The following ERI3 variants were observed in gnomAD, a reference collection of about 807,000 sequenced individuals.
The protein encoded by ERI3 is ERI1 exoribonuclease 3.
In ERI3, 18 loss-of-function variants were observed where a neutral mutation model predicts 44.4. The observed-to-expected ratio is 0.41, with a 90% CI of 0.28 to 0.60. The LOEUF is 0.60. ERI3 is among the 20% of genes least tolerant of loss of function. The pLI is 0.36. For synonymous variants in ERI3, 183 were observed against 164.8 expected (o/e 1.11, Z -0.84); for missense variants, 294 against 435.5 (o/e 0.68, Z 2.89).
At chr1:44,329,899 T>G (rs1646394294) in intron 3 of ERI3, among the ~76,000 whole-genome samples, 1 of 152,008 alleles carries the variant, frequency 6.6e-6, no homozygotes, top group Non-Finnish European at 1.5e-5. Flanking sequence ...TCCAAAAGAG[T>G]TATGAGCTAC....
chr1:44,305,996 C>T (rs891070087), intron 6 of ERI3, among the ~76,000 whole-genome samples: 2 of 152,346 alleles, frequency 1.3e-5, no homozygotes, highest in East Asian at 3.9e-4. Flanking sequence ...AGCCATCTGA[C>T]GAGCCTCTGC....
At chr1:44,259,904 T>TAGAC (rs1557795413) in intron 7 of ERI3, among the ~76,000 whole-genome samples, 3 of 148,792 alleles carry the variant, frequency 2.0e-5, no homozygotes, top group African/African-American at 7.6e-5. Context: ...GATAGATAGA[T>TAGAC]AGATAGATAG....
intron 7 of ERI3, among the ~76,000 whole-genome samples, chr1:44,271,635 G>T (rs1162030311): frequency 6.6e-6 from 1 of 152,122 alleles, no homozygotes; most frequent in Non-Finnish European, 1.5e-5. Context: ...AATTGTTTGA[G>T]GATTAAGTGA....
chr1:44,317,157 C>A (rs952797473), intron 4 of ERI3, among the ~76,000 whole-genome samples: 1 of 152,046 alleles, frequency 6.6e-6, no homozygotes, highest in Non-Finnish European at 1.5e-5. Context: ...CACACACACA[C>A]ACACACACAC....
Position 44,331,867 on chromosome 1 carries a change from T to G in ERI3, c.489+7178A>C, listed in dbSNP as rs75780310. Among the ~76,000 whole-genome samples, 45 of 152,276 alleles carry G rather than the reference T, an allele frequency of 3.0e-4. No homozygotes were observed. In the East Asian group the frequency reaches 8.3e-3, roughly 28 times the overall value. ...TGAATTTCTTATAACATGAAAACTA[T>G]GCAGCCCTCCCCCACACTGTGAGCA... On this transcript the variant is annotated intron_variant, in intron 3 of 8. Transcript: ENST00000372257.
At chr1:44,307,272 C>T (rs1645857205) in intron 6 of ERI3, among the ~76,000 whole-genome samples, 1 of 152,112 alleles carries the variant, frequency 6.6e-6, no homozygotes, top group Admixed American at 6.5e-5. Context: ...CATAACTTCA[C>T]CTCAATGCCC....
At chr1:44,260,369 A>ACC (rs1644869503) in intron 7 of ERI3, among the ~76,000 whole-genome samples, 1 of 152,202 alleles carries the variant, frequency 6.6e-6, no homozygotes, top group South Asian at 2.1e-4. Flanking sequence ...GGACAGCATG[A>ACC]CCCACACAGA....
chr1:44,312,018 T>C (rs1645983056), intron 5 of ERI3, among the ~76,000 whole-genome samples: 1 of 152,098 alleles, frequency 6.6e-6, no homozygotes, highest in African/African-American at 2.4e-5. Flanking sequence ...ACAGCCTAGG[T>C]TCCCACACTC....
chr1:44,352,659 A>C (rs1646918943), intron 2 of ERI3, among the ~76,000 whole-genome samples, 191 bp downstream of exon 2: 1 of 152,172 alleles, frequency 6.6e-6, no homozygotes, highest in Non-Finnish European at 1.5e-5. Context: ...TAGAAACTTT[A>C]AGTAAGTTTC....
intron 4 of ERI3, among the ~76,000 whole-genome samples, chr1:44,314,271 A>G (rs773555095): frequency 1.3e-5 from 2 of 152,152 alleles, no homozygotes; most frequent in Non-Finnish European, 2.9e-5. Context: ...GGTGACTTAC[A>G]TGGAATGGTA....
Position 44,313,295 on chromosome 1 carries a change from C to CT in ERI3, c.607-68_607-67insA. On this transcript the variant is annotated intron_variant, in intron 4 of 8. Transcript: ENST00000372257. The stretch of plus-strand genomic sequence containing the variant: ...TGAAGGGACTCAAGGCTGAACAGGA[C>CT]CCCTTCCTTTCTGTTTTTCTCCTTC... 5 of 1,455,960 alleles carry CT rather than the reference C, an allele frequency of 3.4e-6. No homozygotes were observed. In the South Asian group the frequency reaches 4.6e-5, roughly 13 times the overall value. The allele number at this position is 1,455,960 out of a possible 1,614,324, so 90.2% of individuals were successfully genotyped here. A position where few individuals can be genotyped will look rare whatever the true frequency, so the allele number is the denominator to read the frequency against.
chr1:44,271,539 TACTCTATC>T (rs1645087633), intron 7 of ERI3, among the ~76,000 whole-genome samples: 1 of 152,116 alleles, frequency 6.6e-6, no homozygotes, highest in Non-Finnish European at 1.5e-5. Flanking sequence ...CTCAAATACT[TACTCTATC>T]ACTCACCAGC....
intron 6 of ERI3, 132 bp downstream of exon 6, chr1:44,308,178 T>C (rs1645879842): frequency 4.2e-6 from 3 of 714,920 alleles, no homozygotes; most frequent in Non-Finnish European, 7.5e-6. Flanking sequence ...AACCGTCTTC[T>C]ATCCCTGATA....
chr1:44,333,150 A>G (rs574954411), intron 3 of ERI3, among the ~76,000 whole-genome samples: 3 of 152,352 alleles, frequency 2.0e-5, no homozygotes, highest in South Asian at 2.1e-4. Flanking sequence ...GTCTTAACAT[A>G]TAACACCATC....
chr1:44,221,773 C>A lies in ERI3; in HGVS notation c.932-133G>T. 1.5e-6 allele frequency: 1 copy of A among 683,176 alleles called. No homozygotes were observed. Among genetic ancestry groups the A allele is most frequent in the Admixed American group, 2.3e-5 (1 of 42,572 alleles). The allele number at this position is 683,176 out of a possible 1,614,324, so 42.3% of individuals were successfully genotyped here. A position where few individuals can be genotyped will look rare whatever the true frequency, so the allele number is the denominator to read the frequency against. On this transcript the variant is annotated intron_variant, in intron 8 of 8. Transcript: ENST00000372257. The surrounding 1 kb of genome is among the most constrained non-coding windows in gnomAD (Gnocchi z 5.9). Reference sequence around the variant, plus strand: ...CAGGCTTTAGAGAGGGTGGTCCCATCCCCTGGTGGCAGCATTCCTAGCTTC... The same window carrying A: ...CAGGCTTTAGAGAGGGTGGTCCCATACCCTGGTGGCAGCATTCCTAGCTTC...
chr1:44,286,601 T>C (rs553566751), intron 6 of ERI3, among the ~76,000 whole-genome samples: 1 of 152,238 alleles, frequency 6.6e-6, no homozygotes, highest in Admixed American at 6.5e-5. Flanking sequence ...GCAAGTTTTA[T>C]TGAGCTAAAA....
intron 7 of ERI3, among the ~76,000 whole-genome samples, chr1:44,267,816 C>A (rs1395749645): frequency 6.6e-6 from 1 of 152,246 alleles, no homozygotes; most frequent in Non-Finnish European, 1.5e-5. Flanking sequence ...CCTGCCCACA[C>A]CCACACAAAA....
At chr1:44,316,517 C>T (rs1186938457) in intron 4 of ERI3, among the ~76,000 whole-genome samples, 1 of 152,162 alleles carries the variant, frequency 6.6e-6, no homozygotes, top group Non-Finnish European at 1.5e-5. Context: ...AGGAAGCAGC[C>T]CAGGAAACTC....
chr1:44,233,961 T>C (rs1026701030), intron 8 of ERI3, among the ~76,000 whole-genome samples: 2 of 152,200 alleles, frequency 1.3e-5, no homozygotes, highest in African/African-American at 4.8e-5. Context: ...CAGGTTTTGA[T>C]TGATAGACAA....
Sources: gnomAD v4.1 joint callset for allele counts (sites outside exome capture counted in the v4.1 genomes callset) on GRCh38, gnomAD v4.1.1 for gene constraint, Gnocchi (gnomAD v3.1) non-coding constraint, MANE v1.5 for transcripts, NCBI Gene and HGNC (gene_info 2026-07-23, HGNC 2026-07-21) for gene names.